Variants in TACC1 observed in about 807,000 individuals in gnomAD.
The protein encoded by TACC1 is transforming acidic coiled-coil containing protein 1, also known as transforming acidic coiled-coil-containing protein 1.
A neutral mutation model predicts 84.4 loss-of-function variants in TACC1; 48 were observed. The observed-to-expected ratio is 0.57, with a 90% confidence interval of 0.45 to 0.72. TACC1 has a LOEUF of 0.72. Among genes scored for constraint, TACC1 ranks in the 30% least tolerant of loss-of-function variants. The pLI is 0.00. For synonymous variants in TACC1, 372 were observed against 376.3 expected (o/e 0.99, Z 0.13); for missense variants, 920 against 973.0 (o/e 0.95, Z 0.72).
chr8:38,783,162 C>G (rs143958116), upstream of TACC1, among the ~76,000 whole-genome samples: 1 of 150,258 alleles, frequency 6.7e-6, no homozygotes, highest in East Asian at 2.0e-4. Context: ...AAAGCTGACA[C>G]AGTGTAACTC....
upstream of TACC1, among the ~76,000 whole-genome samples, chr8:38,784,069 G>C (rs1816658579): frequency 6.6e-6 from 1 of 152,192 alleles, no homozygotes. Flanking sequence ...TGTTGGCAAT[G>C]GCACGTCTTC....
rs890080927 is a variant in TACC1, at chr8:38,848,790, T to C, written c.*767T>C. ...GTATTTGGACACTCCTCAGCTTTAA[T>C]GGGTGTGGCCCCTTTAGGGTTAGTC... On this transcript the variant is annotated 3_prime_UTR_variant, in exon 13 of 13. Transcript: ENST00000317827. The C allele has an allele frequency of 6.6e-6, 1 of 152,254 alleles. No individual in the cohort carries two copies. The highest frequency in any genetic ancestry group is 2.4e-5 in the African/African-American group (1 of 41,470). The allele number at this position is 152,254 out of a possible 1,614,324, so 9.4% of individuals were successfully genotyped here. A position where few individuals can be genotyped will look rare whatever the true frequency, so the allele number is the denominator to read the frequency against.
intron 1 of TACC1, among the ~76,000 whole-genome samples, chr8:38,736,881 C>A (rs1276734287): frequency 6.6e-6 from 1 of 152,160 alleles, no homozygotes; most frequent in Non-Finnish European, 1.5e-5. Flanking sequence ...AGCCAGATAT[C>A]ATTGTGATGG....
chr8:38,739,262 T>C (rs1374337480), intron 1 of TACC1, among the ~76,000 whole-genome samples: 1 of 152,212 alleles, frequency 6.6e-6, no homozygotes. Context: ...TCTAATTCAT[T>C]GTCATATGGG....
intron 2 of TACC1, among the ~76,000 whole-genome samples, chr8:38,803,097 G>A (rs112050298): frequency 2.0e-5 from 3 of 152,276 alleles, no homozygotes; most frequent in African/African-American, 4.8e-5. Context: ...TTGCAAGTGT[G>A]TAGAAATACA....
upstream of TACC1, among the ~76,000 whole-genome samples, chr8:38,783,098 CTATCTATCTA>C (rs1374657008): frequency 0.015 from 1,779 of 116,212 alleles, 24 homozygotes; most frequent in African/African-American, 0.037. Flanking sequence ...ATCTATCTAT[CTATCTATCTA>C]TATATATATA....
intron 3 of TACC1, among the ~76,000 whole-genome samples, chr8:38,748,033 A>G (rs1359362623): frequency 6.6e-6 from 1 of 152,148 alleles, no homozygotes; most frequent in African/African-American, 2.4e-5. Context: ...AATAAAATCC[A>G]TTTTTTAAAA....
intron 3 of TACC1, among the ~76,000 whole-genome samples, chr8:38,773,979 C>T (rs985703270): frequency 1.3e-5 from 2 of 152,186 alleles, no homozygotes; most frequent in African/African-American, 4.8e-5. Context: ...GACAAGGATG[C>T]TTAACATGGT....
chr8:38,838,801 T>TA (rs1370168141), intron 8 of TACC1, among the ~76,000 whole-genome samples: 26 of 152,186 alleles, frequency 1.7e-4, no homozygotes, highest in Non-Finnish European at 2.6e-4. Context: ...ACATAATTCT[T>TA]ATCTTCTTAG....
rs577981916 is a variant in TACC1 at position 38,781,431 on chromosome 8, G to T, written c.27-7273G>T. Among the ~76,000 whole-genome samples, 14 of 151,568 alleles carry T rather than the reference G, an allele frequency of 9.2e-5. No individual in the cohort carries two copies. In the East Asian group the frequency reaches 2.7e-3, roughly 29 times the overall value. On this transcript the variant is annotated intron_variant, in intron 3 of 14. Transcript: ENST00000518415. The stretch of plus-strand genomic sequence containing the variant: ...GAGACTTGTTCTGTCCCCCAGGCTG[G>T]AGTGCAGTGATGCAATCCTGGCTCA...
upstream of TACC1, chr8:38,785,605 AC>A: frequency 1.4e-6 from 1 of 726,874 alleles, no homozygotes. Context: ...AGATAAGAGA[AC>A]TATTCAGGAG....
chr8:38,837,399 G>A (rs1186206570), intron 7 of TACC1, among the ~76,000 whole-genome samples: 1 of 151,924 alleles, frequency 6.6e-6, no homozygotes, highest in Non-Finnish European at 1.5e-5. Context: ...CTCCAACCTG[G>A]GCAACAAGAG....
intron 3 of TACC1, among the ~76,000 whole-genome samples, chr8:38,822,773 A>G (rs1445989060): frequency 1.3e-5 from 2 of 152,148 alleles, no homozygotes; most frequent in African/African-American, 2.4e-5. Context: ...CACACACATT[A>G]CCTAGGCCTA....
chr8:38,851,753 G>GTTTTTTTTTTTA lies in TACC1; in HGVS notation c.*3730_*3731insTTTTTTTTTTTA, dbSNP rs1833115932. On this transcript the variant is annotated 3_prime_UTR_variant, in exon 13 of 13. Coordinates refer to ENST00000317827, the MANE Select transcript of TACC1 (RefSeq NM_006283.3). ...TTTTGAAAGATTACATGATTCAAGC[G>GTTTTTTTTTTTA]AGGGATTTTAAAGTAAAGATGTATT... 1 of 333,084 alleles carries GTTTTTTTTTTTA rather than the reference G, an allele frequency of 3.0e-6. No individual in the cohort carries two copies. Among genetic ancestry groups the GTTTTTTTTTTTA allele is most frequent in the South Asian group, 2.3e-5 (1 of 42,580 alleles). 20.6% of individuals were successfully genotyped at this position (333,084 alleles called of 1,614,324 possible).
chr8:38,820,199 A>G lies in TACC1; in HGVS notation c.955A>G (p.Lys319Glu). ...GGAGGAGTCGAGGAGCTCACCTCTC[A>G]AGCTTGAGTTTGATTTCACAGAAGA... ...LGEESRSSPL[K>E]LEFDFTEDTG... is the part of the protein sequence containing the mutation. Residue 319 changes from lysine (K) to glutamate (E), a missense_variant, in exon 3 of 13, where the codon AAG becomes GAG. Around this residue, in one of 2 missense-constraint regions of TACC1, gnomAD observed 762 missense variants for 747.3 expected, o/e 1.02. Coordinates refer to ENST00000317827, the MANE Select transcript of TACC1 (RefSeq NM_006283.3). 1 of 1,614,038 alleles carries G rather than the reference A, an allele frequency of 6.2e-7. No homozygotes were observed. The highest frequency in any genetic ancestry group is 1.3e-5 in the African/African-American group (1 of 75,006).
chr8:38,826,941 A>G (rs527996678), intron 4 of TACC1, among the ~76,000 whole-genome samples: 9 of 152,342 alleles, frequency 5.9e-5, no homozygotes, highest in African/African-American at 1.9e-4. Flanking sequence ...AACCTAGAGA[A>G]GATCATTTTT....
chr8:38,757,258 C>G (rs1810255759), intron 3 of TACC1: 2 of 1,131,268 alleles, frequency 1.8e-6, no homozygotes, highest in African/African-American at 1.7e-5. Flanking sequence ...CCCACCGCCT[C>G]CCCGCCCAGG....
intron 2 of TACC1, among the ~76,000 whole-genome samples, chr8:38,811,548 C>G (rs915814863): frequency 1.3e-5 from 2 of 152,174 alleles, no homozygotes; most frequent in African/African-American, 4.8e-5. Flanking sequence ...TTTCTTATGC[C>G]TGTCTTTACT....
At chr8:38,827,759 A>T (rs112268052) in intron 5 of TACC1, 3,867 of 216,314 alleles carry the variant, frequency 0.018, 133 homozygotes, top group African/African-American at 0.075. Flanking sequence ...ATGGTTCTGC[A>T]GACTGTAGAA....
Sources: gnomAD v4.1 joint callset for allele counts (sites outside exome capture counted in the v4.1 genomes callset) on GRCh38, gnomAD v4.1.1 for gene constraint, gnomAD v4.1.1 regional missense constraint, MANE v1.5 for transcripts, NCBI Gene and HGNC (gene_info 2026-07-23, HGNC 2026-07-21) for gene names.